Variants in DGKI observed in about 807,000 individuals in gnomAD.
DGKI encodes the protein diacylglycerol kinase iota.
A neutral mutation model predicts 147.5 loss-of-function variants in DGKI; 55 were observed. The observed-to-expected ratio is 0.37, with a 90% confidence interval of 0.30 to 0.47. The LOEUF (loss-of-function observed/expected upper bound fraction) is 0.47. DGKI is among the 20% of genes least tolerant of loss of function. The pLI, the probability that DGKI is intolerant of heterozygous loss-of-function variation, is 1.00. For missense variants in DGKI, 1,007 were observed against 1,323.8 expected (o/e 0.76, Z 3.71); for synonymous variants, 469 against 477.1 (o/e 0.98, Z 0.22).
intron 21 of DGKI, among the ~76,000 whole-genome samples, chr7:137,496,858 T>A (rs1241369997): frequency 6.6e-6 from 1 of 152,080 alleles, no homozygotes; most frequent in East Asian, 1.9e-4. Flanking sequence ...AATGATAACC[T>A]AGGAAATATC....
chr7:137,603,224 A>G (rs1820054777), intron 10 of DGKI, among the ~76,000 whole-genome samples: 2 of 152,322 alleles, frequency 1.3e-5, no homozygotes, highest in South Asian at 4.1e-4. Flanking sequence ...AAACATAATG[A>G]CAATTGTTGG....
chr7:137,537,919 A>T (rs1209951726), intron 20 of DGKI, among the ~76,000 whole-genome samples: 3 of 152,192 alleles, frequency 2.0e-5, no homozygotes, highest in African/African-American at 7.2e-5. Flanking sequence ...AAGAGAGGAA[A>T]GGAAAGGAAA....
rs934247680 is a variant in DGKI, at chr7:137,386,220, T to G, written c.*5000A>C. On this transcript the variant is annotated 3_prime_UTR_variant, in exon 33 of 33. Transcript: ENST00000614521. Reference sequence around the variant, plus strand: ...CTCAGTGTCCTGGGAGAGGAGGTTGTCCAAGGGCATGACTCTTTTCTTGGT... The same window carrying G: ...CTCAGTGTCCTGGGAGAGGAGGTTGGCCAAGGGCATGACTCTTTTCTTGGT... The G allele has an allele frequency of 2.6e-5, 4 of 152,120 alleles. No individual in the cohort carries two copies. Among genetic ancestry groups the G allele is most frequent in the African/African-American group, 9.7e-5 (4 of 41,428 alleles). The allele number at this position is 152,120 out of a possible 1,614,324, so 9.4% of individuals were successfully genotyped here.
At chr7:137,630,450 G>A (rs1167838937) in intron 6 of DGKI, among the ~76,000 whole-genome samples, 1 of 152,008 alleles carries the variant, frequency 6.6e-6, no homozygotes, top group East Asian at 1.9e-4. Flanking sequence ...AGTCTTCTGG[G>A]GAAAAACATC....
Position 137,720,547 on chromosome 7 carries a change from C to A in DGKI, c.402-30545G>T, listed in dbSNP as rs1002960719. ...TGCTGGGATTACAGGTGTGAGCCAC[C>A]GCGCCCGGCCGAAAAAGTCTTGAGT... On this transcript the variant is annotated intron_variant, in intron 1 of 32. Coordinates refer to ENST00000614521, the MANE Select transcript of DGKI (RefSeq NM_001321708.2). Among the ~76,000 whole-genome samples, 5 of 151,996 alleles carry A rather than the reference C, an allele frequency of 3.3e-5. No individual in the cohort carries two copies. The East Asian group carries it at 9.7e-4, about 29-fold the overall frequency.
intron 1 of DGKI, among the ~76,000 whole-genome samples, chr7:137,827,352 TAAC>T (rs1264826272): frequency 6.6e-6 from 1 of 152,172 alleles, no homozygotes; most frequent in Non-Finnish European, 1.5e-5. Flanking sequence ...AGCATTTAAC[TAAC>T]CTTCCCTGCC....
chr7:137,626,368 C>T (rs1820941626), intron 6 of DGKI, among the ~76,000 whole-genome samples: 1 of 150,196 alleles, frequency 6.7e-6, no homozygotes, highest in Admixed American at 6.6e-5. Context: ...CACACACGGA[C>T]TTAAGTGCTG....
chr7:137,485,708 A>C (rs1815531763), intron 22 of DGKI, among the ~76,000 whole-genome samples: 1 of 152,136 alleles, frequency 6.6e-6, no homozygotes, highest in Non-Finnish European at 1.5e-5. Context: ...GGAGACCAGA[A>C]GTAAAAGACA....
chr7:137,604,051 A>C (rs890188367), intron 10 of DGKI, among the ~76,000 whole-genome samples: 1 of 152,214 alleles, frequency 6.6e-6, no homozygotes, highest in Admixed American at 6.5e-5. Context: ...GACCTATCAC[A>C]GGAGCTAGTT....
intron 30 of DGKI, among the ~76,000 whole-genome samples, chr7:137,401,915 C>T (rs956378736): frequency 6.6e-6 from 1 of 152,214 alleles, no homozygotes. Context: ...ACGACATTCA[C>T]GTGGTGCCAC....
intron 1 of DGKI, among the ~76,000 whole-genome samples, chr7:137,801,669 A>G (rs769961806): frequency 5.9e-5 from 9 of 152,254 alleles, no homozygotes; most frequent in Non-Finnish European, 1.3e-4. Flanking sequence ...TTTATGATGT[A>G]TAAGATTCCA....
At chr7:137,482,492 G>A (rs556694103) in intron 23 of DGKI, among the ~76,000 whole-genome samples, 3 of 151,838 alleles carry the variant, frequency 2.0e-5, no homozygotes, top group African/African-American at 7.2e-5. Flanking sequence ...TTCTATCTCT[G>A]GGCCTGAATT....
At chr7:137,750,627 T>C (rs373441030) in intron 1 of DGKI, among the ~76,000 whole-genome samples, 1 of 152,244 alleles carries the variant, frequency 6.6e-6, no homozygotes, top group African/African-American at 2.4e-5. Context: ...AATCAGCATC[T>C]GTATAAAGAT....
At chr7:137,591,648 C>T (rs1373358356) in intron 12 of DGKI, among the ~76,000 whole-genome samples, 1 of 152,176 alleles carries the variant, frequency 6.6e-6, no homozygotes, top group Admixed American at 6.5e-5. Context: ...AAGCTCCCCT[C>T]ACATCTGTAC....
chr7:137,717,729 G>A (rs898801384), intron 1 of DGKI, among the ~76,000 whole-genome samples: 1 of 152,078 alleles, frequency 6.6e-6, no homozygotes, highest in African/African-American at 2.4e-5. Context: ...AGTGAGGCAT[G>A]GAGAAGAAAA....
intron 20 of DGKI, 81 bp downstream of exon 20, chr7:137,552,288 G>A (rs1486628557): frequency 2.0e-6 from 3 of 1,476,808 alleles, no homozygotes; most frequent in African/African-American, 1.4e-5. Context: ...AACACAGTGA[G>A]GTCCCCAGAC....
At chr7:137,755,632 C>A (rs947340542) in intron 1 of DGKI, among the ~76,000 whole-genome samples, 1 of 152,184 alleles carries the variant, frequency 6.6e-6, no homozygotes, top group Admixed American at 6.5e-5. Context: ...CCCAAGGGAA[C>A]CCCAACTTCT....
intron 1 of DGKI, among the ~76,000 whole-genome samples, chr7:137,830,728 A>G (rs1024601342): frequency 7.9e-5 from 12 of 152,244 alleles, no homozygotes; most frequent in Non-Finnish European, 1.2e-4. Flanking sequence ...TTATACAGAA[A>G]AGGAAAGGGT....
intron 19 of DGKI, among the ~76,000 whole-genome samples, chr7:137,569,206 T>G (rs1563090072): frequency 1.3e-5 from 2 of 152,210 alleles, no homozygotes; most frequent in East Asian, 3.9e-4. Context: ...CTAAGAGCAA[T>G]GGGGAAATAC....
Sources: gnomAD v4.1 joint callset for allele counts (sites outside exome capture counted in the v4.1 genomes callset) on GRCh38, gnomAD v4.1.1 for gene constraint, MANE v1.5 for transcripts, NCBI Gene and HGNC (gene_info 2026-07-23, HGNC 2026-07-21) for gene names.